CNGB3: variants seen among roughly 807,000 people sequenced by gnomAD.
The protein encoded by CNGB3 is cyclic nucleotide gated channel subunit beta 3.
A neutral mutation model predicts 92.8 loss-of-function variants in CNGB3; 86 were observed. The observed-to-expected ratio is 0.93, with a 90% CI of 0.78 to 1.11. The LOEUF (loss-of-function observed/expected upper bound fraction) is 1.11. CNGB3 is among the 50% of genes least tolerant of loss of function. CNGB3 has a pLI of 0.00. For missense variants in CNGB3, 1,026 were observed against 956.8 expected (o/e 1.07, Z -0.95); for synonymous variants, 333 against 332.7 (o/e 1.00, Z -0.01).
At chr8:86,733,778 T>C (rs536523791) in intron 2 of CNGB3, among the ~76,000 whole-genome samples, 20 of 152,342 alleles carry the variant, frequency 1.3e-4, no homozygotes, top group African/African-American at 4.6e-4. Context: ...AAATTGTATA[T>C]GCTAATTGTT....
intron 15 of CNGB3, among the ~76,000 whole-genome samples, chr8:86,580,190 C>T (rs113441320): frequency 0.034 from 1,538 of 45,084 alleles, 32 homozygotes; most frequent in African/African-American, 0.099. Context: ...GAGAATAGCA[C>T]GGGGGGGGTG....
At chr8:86,688,061 T>G (rs372005066) in intron 3 of CNGB3, among the ~76,000 whole-genome samples, 1 of 151,974 alleles carries the variant, frequency 6.6e-6, no homozygotes, top group South Asian at 2.1e-4. Flanking sequence ...GCAAAAGGTG[T>G]ATGGGTTTAA....
chr8:86,689,890 A>G (rs2131636073), intron 3 of CNGB3, among the ~76,000 whole-genome samples: 1 of 151,836 alleles, frequency 6.6e-6, no homozygotes, highest in East Asian at 1.9e-4. Flanking sequence ...AAGGACATGA[A>G]CTCATCCTTT....
At chr8:86,694,180 C>A (rs1374748190) in intron 3 of CNGB3, among the ~76,000 whole-genome samples, 1 of 131,054 alleles carries the variant, frequency 7.6e-6, no homozygotes, top group Non-Finnish European at 1.7e-5. Context: ...GGGGGCTGAC[C>A]CCCCCCACCT....
At chr8:86,577,275 C>T (rs1821679149) in intron 17 of CNGB3, among the ~76,000 whole-genome samples, 1 of 152,160 alleles carries the variant, frequency 6.6e-6, no homozygotes, top group South Asian at 2.1e-4. Flanking sequence ...ATCCAAATCC[C>T]TTGATCTGGT....
At chr8:86,626,156 A>G (rs927016752) in intron 12 of CNGB3, 76 bp from the exon 13 acceptor site, 10 of 1,143,138 alleles carry the variant, frequency 8.7e-6, no homozygotes, top group Non-Finnish European at 1.3e-5. Flanking sequence ...AAGTAGAAAA[A>G]TTTTTAAAAT....
At chr8:86,698,723 G>C (rs950521011) in intron 3 of CNGB3, among the ~76,000 whole-genome samples, 2 of 152,140 alleles carry the variant, frequency 1.3e-5, no homozygotes, top group African/African-American at 2.4e-5. Flanking sequence ...TAGTTTGTTA[G>C]AGAGGGTGTT....
chr8:86,720,784 A>G, intron 3 of CNGB3, among the ~76,000 whole-genome samples: 1 of 150,954 alleles, frequency 6.6e-6, no homozygotes. Flanking sequence ...AAAGTGTGAT[A>G]TATATCACAA....
chr8:86,733,096 C>G (rs1021907328), intron 2 of CNGB3, among the ~76,000 whole-genome samples: 7 of 152,106 alleles, frequency 4.6e-5, no homozygotes, highest in Non-Finnish European at 7.3e-5. Context: ...TTCCCCCCAC[C>G]TTCCTCCCTC....
chr8:86,647,897 G>C lies in CNGB3; in HGVS notation c.904-10C>G. ...TTGATGCGACATCCAACTGTTGAAAGAACACATTCACAAATATGTTGTGTT... is the reference window on the plus strand; with the variant it reads ...TTGATGCGACATCCAACTGTTGAAACAACACATTCACAAATATGTTGTGTT... On this transcript the variant is annotated splice_polypyrimidine_tract_variant and intron_variant, in intron 7 of 17. Transcript: ENST00000320005. 6.6e-7 allele frequency: 1 copy of C among 1,510,114 alleles called. No homozygotes were observed. Among genetic ancestry groups the C allele is most frequent in the Non-Finnish European group, 9.2e-7 (1 of 1,086,508 alleles). 93.5% of individuals were successfully genotyped at this position (1,510,114 alleles called of 1,614,324 possible). A position where few individuals can be genotyped will look rare whatever the true frequency, so the allele number is the denominator to read the frequency against.
At chr8:86,725,996 T>C (rs969093019) in intron 3 of CNGB3, among the ~76,000 whole-genome samples, 1 of 152,222 alleles carries the variant, frequency 6.6e-6, no homozygotes, top group Non-Finnish European at 1.5e-5. Context: ...TCTTTTGCAG[T>C]ATTTCCAATA....
chr8:86,622,344 C>T (rs989810815), intron 13 of CNGB3, among the ~76,000 whole-genome samples: 1 of 147,634 alleles, frequency 6.8e-6, no homozygotes, highest in African/African-American at 2.5e-5. Context: ...ACATCCTCAG[C>T]ATCTACACAT....
intron 3 of CNGB3, among the ~76,000 whole-genome samples, chr8:86,702,075 A>T (rs951538180): frequency 5.9e-5 from 9 of 152,230 alleles, no homozygotes; most frequent in African/African-American, 2.2e-4. Flanking sequence ...TAATAAACAC[A>T]TTTAATATAT....
intron 6 of CNGB3, chr8:86,658,627 G>A: frequency 2.9e-6 from 1 of 346,232 alleles, no homozygotes. Context: ...CACTACTGCT[G>A]TAGACTCTGA....
rs142347723 is a variant in CNGB3, at chr8:86,578,788, C to T, written c.2004G>A (p.Pro668=). 2.2e-5 allele frequency: 36 copies of T among 1,614,044 alleles called. No homozygotes were observed. The highest frequency in any genetic ancestry group is 5.3e-5 in the African/African-American group (4 of 75,004). The change falls in exon 17 of 18, where the codon CCG becomes CCA. Residue 668 remains proline (P), a synonymous_variant. Coordinates refer to ENST00000320005, the MANE Select transcript of CNGB3 (RefSeq NM_019098.5). ...TAAACAGTTTGGGTGTCTCTTCTTT[C>T]GGTGGGAAGAGGAGGGCAAGATCTT... ...PRKDLALLFP[P]KEETPKLFKT...
intron 6 of CNGB3, chr8:86,660,248 C>T (rs1823609673): frequency 3.3e-6 from 1 of 304,856 alleles, no homozygotes; most frequent in African/African-American, 2.2e-5. Context: ...TCAATGTTTT[C>T]TTGGCCACAG....
At chr8:86,583,177 A>C (rs1821824707) in intron 15 of CNGB3, among the ~76,000 whole-genome samples, 1 of 152,214 alleles carries the variant, frequency 6.6e-6, no homozygotes, top group South Asian at 2.1e-4. Flanking sequence ...CTGGGATTAC[A>C]GGCATGAGCC....
chr8:86,591,733 C>T lies in CNGB3; in HGVS notation c.1781+12360G>A, dbSNP rs376331869. 5.3e-5 allele frequency among the ~76,000 whole-genome samples: 8 copies of T among 152,330 alleles called. No homozygotes were observed. In the East Asian group the frequency reaches 9.7e-4, roughly 18 times the overall value. On this transcript the variant is annotated intron_variant, in intron 15 of 17. Transcript: ENST00000320005. ...CAGCTGCGTACTGGGAGAACCACTGCTCTCTTCAAAGCTGTCAGACAGGGA... is the reference window on the plus strand; with the variant it reads ...CAGCTGCGTACTGGGAGAACCACTGTTCTCTTCAAAGCTGTCAGACAGGGA...
rs1822838761 is a variant in CNGB3 at position 86,626,002 on chromosome 8, CTGA to C, written c.1556_1558del (p.Ile519del). On this transcript the variant is annotated inframe_deletion, in exon 13 of 18. Coordinates refer to ENST00000320005, the MANE Select transcript of CNGB3 (RefSeq NM_019098.5). ...ACTTGCCTTGAACAAGTCGACTTTG[CTGA>C]TGATGCTGAAGTTCACATCAATGGC... 3 of 1,613,522 alleles carry C rather than the reference CTGA, an allele frequency of 1.9e-6. No homozygotes were observed. The highest frequency in any genetic ancestry group is 2.5e-6 in the Non-Finnish European group (3 of 1,179,736).
Sources: allele counts gnomAD v4.1 joint callset (sites outside exome capture counted in the v4.1 genomes callset), GRCh38; gene constraint gnomAD v4.1.1; transcripts MANE v1.5; gene names NCBI Gene and HGNC (gene_info 2026-07-23, HGNC 2026-07-21).